Variants in PCM1 observed in about 807,000 individuals in gnomAD.
The protein encoded by PCM1 is pericentriolar material 1, also known as pericentriolar material 1 protein.
A neutral mutation model predicts 241.9 loss-of-function variants in PCM1; 157 were observed. That is an observed-to-expected ratio of 0.65 (90% CI 0.57 to 0.74). The LOEUF (loss-of-function observed/expected upper bound fraction) is 0.74. PCM1 is among the 30% of genes least tolerant of loss of function. The probability of loss-of-function intolerance (pLI) is 0.00; values close to 1 mark genes in which losing one functional copy is unlikely to be tolerated. For missense variants in PCM1, 3,478 were observed against 2,360.1 expected, an observed-to-expected ratio of 1.47 and a Z score of -9.81; for synonymous variants, 1,085 against 784.9, an observed-to-expected ratio of 1.38 and a Z score of -6.39.
chr8:17,957,428 C>G lies in PCM1; in HGVS notation c.1804+7C>G, dbSNP rs1229766027. Reference sequence around the variant, plus strand: ...AACATGCCTCCTTCTTTAGGTATGACTGACTGTATTTACATATAATTTTGC... The same window carrying G: ...AACATGCCTCCTTCTTTAGGTATGAGTGACTGTATTTACATATAATTTTGC... On this transcript the variant is annotated splice_region_variant and intron_variant, in intron 12 of 38. Transcript: ENST00000325083. The G allele has an allele frequency of 1.9e-6, 3 of 1,610,896 alleles. No individual in the cohort carries two copies. Among genetic ancestry groups the G allele is most frequent in the Non-Finnish European group, 2.5e-6 (3 of 1,177,608 alleles).
chr8:18,001,978 C>T (rs535665505), intron 29 of PCM1, among the ~76,000 whole-genome samples: 29 of 108,112 alleles, frequency 2.7e-4, no homozygotes, highest in Non-Finnish European at 4.3e-4. Flanking sequence ...ATCCTTTTGC[C>T]GCTGCTTCTA....
At chr8:17,959,664 ATG>A (rs1392316998) in intron 13 of PCM1, among the ~76,000 whole-genome samples, 5 of 152,028 alleles carry the variant, frequency 3.3e-5, no homozygotes, top group African/African-American at 1.2e-4. Flanking sequence ...ATTTTTCTAT[ATG>A]TATTTTTTAT....
At position 18,029,017 on chromosome 8, in the gene PCM1, G is replaced by T. The variant is rs1043872903; in HGVS notation, c.*1355G>T. 53 of 177,444 alleles carry T rather than the reference G, an allele frequency of 3.0e-4. No individual in the cohort carries two copies. Among genetic ancestry groups the T allele is most frequent in the African/African-American group, 1.2e-3 (50 of 42,216 alleles). The allele number at this position is 177,444 out of a possible 1,614,324, so 11.0% of individuals were successfully genotyped here. A position where few individuals can be genotyped will look rare whatever the true frequency, so the allele number is the denominator to read the frequency against. ...AATAAAAAAATTAGCTGGGAGAGGTGGCACGTGCCTGTAGTCCTAGCTACT... is the reference window on the plus strand; with the variant it reads ...AATAAAAAAATTAGCTGGGAGAGGTTGCACGTGCCTGTAGTCCTAGCTACT... On this transcript the variant is annotated 3_prime_UTR_variant, in exon 39 of 39. Coordinates refer to ENST00000325083, the MANE Select transcript of PCM1 (RefSeq NM_006197.4).
chr8:17,954,882 A>G (rs1330511722), intron 9 of PCM1, among the ~76,000 whole-genome samples: 1 of 152,158 alleles, frequency 6.6e-6, no homozygotes, highest in African/African-American at 2.4e-5. Flanking sequence ...ATTGCTGTTT[A>G]ATATTTCATG....
chr8:17,974,872 CA>C (rs1326386737), intron 23 of PCM1, among the ~76,000 whole-genome samples: 2 of 151,820 alleles, frequency 1.3e-5, no homozygotes, highest in Non-Finnish European at 2.9e-5. Context: ...CACACACACA[CA>C]CACACACACA....
intron 23 of PCM1, among the ~76,000 whole-genome samples, chr8:17,973,548 A>T (rs1053719922): frequency 6.6e-6 from 1 of 151,958 alleles, no homozygotes; most frequent in Non-Finnish European, 1.5e-5. Flanking sequence ...GTGAAACCCC[A>T]TCTCTACTAA....
At position 18,025,358 on chromosome 8, in the gene PCM1, C is replaced by A; in HGVS notation, c.5842-3C>A. ...TGTATTTTTTTTTTTCATTACATTA[C>A]AGGAAGCAGAATCTGGTAATATAAG... On this transcript the variant is annotated splice_polypyrimidine_tract_variant and splice_region_variant and intron_variant, in intron 36 of 38. Coordinates refer to ENST00000325083, the MANE Select transcript of PCM1 (RefSeq NM_006197.4). 1.3e-6 allele frequency: 2 copies of A among 1,528,588 alleles called. No homozygotes were observed. The highest frequency in any genetic ancestry group is 1.8e-6 in the Non-Finnish European group (2 of 1,111,314). The allele number at this position is 1,528,588 out of a possible 1,614,324, so 94.7% of individuals were successfully genotyped here.
At chr8:17,990,349 A>C (rs1038606993) in intron 27 of PCM1, among the ~76,000 whole-genome samples, 7 of 152,068 alleles carry the variant, frequency 4.6e-5, no homozygotes, top group Non-Finnish European at 4.4e-5. Flanking sequence ...GGCCTCATCT[A>C]ATCATATTTT....
intron 4 of PCM1, among the ~76,000 whole-genome samples, chr8:17,937,873 C>T (rs1231806686): frequency 1.3e-5 from 2 of 152,084 alleles, no homozygotes; most frequent in East Asian, 3.8e-4. Context: ...GTCATAGAGA[C>T]ACACACATTT....
chr8:18,029,150 C>CT lies in PCM1; in HGVS notation c.*1489dup, dbSNP rs1157243706. On this transcript the variant is annotated 3_prime_UTR_variant, in exon 39 of 39. Transcript: ENST00000325083. Reference sequence around the variant, plus strand: ...TCCAGCCTGGCAACAGAGCGAGACTCTGTCTCAAAAAAAAAAAAAAAAAAA... The same window carrying CT: ...TCCAGCCTGGCAACAGAGCGAGACTCTTGTCTCAAAAAAAAAAAAAAAAAAA... 1.8e-5 allele frequency: 2 copies of CT among 110,972 alleles called. No individual in the cohort carries two copies. Among genetic ancestry groups the CT allele is most frequent in the Non-Finnish European group, 1.6e-5 (1 of 61,740 alleles). The allele number at this position is 110,972 out of a possible 1,614,324, so 6.9% of individuals were successfully genotyped here.
chr8:17,961,904 G>T, intron 15 of PCM1, 130 bp from the exon 16 acceptor site: 1 of 635,112 alleles, frequency 1.6e-6, no homozygotes, highest in Non-Finnish European at 2.5e-6. Context: ...GGATGATGAT[G>T]GAAGTCAGGG....
chr8:17,926,347 C>T (rs2056945586), intron 2 of PCM1: 1 of 152,100 alleles, frequency 6.6e-6, no homozygotes, highest in African/African-American at 2.4e-5. Flanking sequence ...CAGTACAGAA[C>T]TAAGAAGACA....
At chr8:17,969,921 T>G (rs2076280557) in intron 22 of PCM1, among the ~76,000 whole-genome samples, 173 bp downstream of exon 22, 1 of 152,182 alleles carries the variant, frequency 6.6e-6, no homozygotes, top group Admixed American at 6.5e-5. Flanking sequence ...TACTTCCTGG[T>G]AACCCTGGTA....
chr8:18,025,582 A>G lies in PCM1; in HGVS notation c.5973A>G (p.Lys1991=), dbSNP rs746790823. 24 of 1,585,050 alleles carry G rather than the reference A, an allele frequency of 1.5e-5. No homozygotes were observed. The highest frequency in any genetic ancestry group is 2.0e-5 in the Non-Finnish European group (23 of 1,165,772). ...AGAAAATGGTAGAAGAAGAACAGAA[A>G]AACCATTTATCTGGTGAAATATGTG... ...LRKKMVEEEQ[K]NHLSGEICEM... is the part of the protein sequence containing the mutation. Residue 1991 remains lysine, a synonymous_variant, in exon 38 of 39, where the codon AAA becomes AAG. Coordinates refer to ENST00000325083, the MANE Select transcript of PCM1 (RefSeq NM_006197.4).
chr8:17,929,909 C>G (rs2058424798), intron 2 of PCM1, among the ~76,000 whole-genome samples: 1 of 152,184 alleles, frequency 6.6e-6, no homozygotes, highest in Non-Finnish European at 1.5e-5. Context: ...AATGTGGTCT[C>G]TGTCGCTCAA....
intron 6 of PCM1, among the ~76,000 whole-genome samples, chr8:17,941,240 T>G (rs985662735): frequency 2.0e-5 from 3 of 152,132 alleles, no homozygotes; most frequent in African/African-American, 4.8e-5. Flanking sequence ...ACGATGTGGG[T>G]AAAGGAATTC....
At chr8:18,013,824 C>T (rs898984746) in intron 34 of PCM1, 140 bp from the exon 35 acceptor site, 1 of 605,032 alleles carries the variant, frequency 1.7e-6, no homozygotes, top group Non-Finnish European at 2.9e-6. Flanking sequence ...AAGCCGCCTC[C>T]TTGAAATAGT....
chr8:18,002,044 A>T (rs1397151020), intron 29 of PCM1, among the ~76,000 whole-genome samples: 17 of 9,682 alleles, frequency 1.8e-3, no homozygotes, highest in South Asian at 3.4e-3. Context: ...TTGTGGAGAG[A>T]TCTGTTAAAT....
At chr8:17,974,857 G>GCACACACACACACA (rs60355433) in intron 23 of PCM1, among the ~76,000 whole-genome samples, 42 of 133,378 alleles carry the variant, frequency 3.1e-4, no homozygotes, top group East Asian at 2.0e-3. Flanking sequence ...CCACTTTAAG[G>GCACACACACACACA]CACACACACA....
Sources: gnomAD v4.1 joint callset for allele counts (sites outside exome capture counted in the v4.1 genomes callset) on GRCh38, gnomAD v4.1.1 for gene constraint, MANE v1.5 for transcripts, NCBI Gene and HGNC (gene_info 2026-07-23, HGNC 2026-07-21) for gene names.